The following ASTN2 variants were observed in gnomAD, a reference collection of about 807,000 sequenced individuals.
ASTN2 encodes astrotactin 2.
A neutral mutation model predicts 139.8 loss-of-function variants in ASTN2; 54 were observed. That is an observed-to-expected ratio of 0.39 (90% CI 0.31 to 0.48). The LOEUF is 0.48. ASTN2 is among the 20% of genes least tolerant of loss of function. The probability of loss-of-function intolerance (pLI) is 0.95; values close to 1 mark genes in which losing one functional copy is unlikely to be tolerated. For missense variants in ASTN2, 1,565 were observed against 1,725.1 expected (o/e 0.91, Z 1.64); for synonymous variants, 756 against 719.5 (o/e 1.05, Z -0.81).
At chr9:116,933,369 C>T (rs1053746473) in intron 10 of ASTN2, among the ~76,000 whole-genome samples, 7 of 151,984 alleles carry the variant, frequency 4.6e-5, no homozygotes, top group African/African-American at 1.7e-4. Flanking sequence ...TTCTTGTCTT[C>T]CCTCTAGTCT....
In ASTN2 at chr9:117,414,039, C is replaced by A. The variant is rs984189891; in HGVS notation, c.442+458G>T. 2.0e-5 allele frequency among the ~76,000 whole-genome samples: 3 copies of A among 152,150 alleles called. No individual in the cohort carries two copies. The highest frequency in any genetic ancestry group is 4.4e-5 in the Non-Finnish European group (3 of 68,026). On this transcript the variant is annotated intron_variant, in intron 1 of 22. Coordinates refer to ENST00000313400, the MANE Select transcript of ASTN2 (RefSeq NM_001365068.1). The surrounding 1 kb of genome is among the most constrained non-coding windows in gnomAD (Gnocchi z 4.2). Reference sequence around the variant, plus strand: ...CTCCATTCCTACTCTCATGAAAATCCATCTGGAAGGGCAGAACCCGCAACT... The same window carrying A: ...CTCCATTCCTACTCTCATGAAAATCAATCTGGAAGGGCAGAACCCGCAACT...
At chr9:117,210,981 C>CAA (rs57888812) in intron 3 of ASTN2, among the ~76,000 whole-genome samples, 2,366 of 136,866 alleles carry the variant, frequency 0.017, 38 homozygotes, top group Non-Finnish European at 0.02. Context: ...CATCTCAAAG[C>CAA]AAAAAAAAAA....
chr9:117,180,020 G>C (rs1455811110), intron 3 of ASTN2, among the ~76,000 whole-genome samples: 1 of 152,182 alleles, frequency 6.6e-6, no homozygotes, highest in African/African-American at 2.4e-5. Context: ...CTGCAGCAAA[G>C]CTTTGAATAA....
Position 117,365,299 on chromosome 9 carries a change from AAAAGAAAGAAAGAAAAAG to A in ASTN2, c.442+49180_442+49197del, listed in dbSNP as rs372839356. 1.5e-4 allele frequency among the ~76,000 whole-genome samples: 22 copies of A among 148,674 alleles called. 1 individual carries two copies. Among genetic ancestry groups the A allele is most frequent in the African/African-American group, 3.4e-4 (13 of 38,650 alleles). ...AGAAAGAAAGAAAGAAATAGAAAGA[AAAAGAAAGAAAGAAAAAG>A]AAAGAAAGAAAGAAAGAAAGAGAGA... On this transcript the variant is annotated intron_variant, in intron 1 of 22. Transcript: ENST00000313400.
chr9:117,171,181 A>C (rs529257757), intron 3 of ASTN2, among the ~76,000 whole-genome samples: 26 of 152,006 alleles, frequency 1.7e-4, no homozygotes, highest in Non-Finnish European at 3.2e-4. Flanking sequence ...AAAGAAAAGA[A>C]AAAATATTAC....
At chr9:116,839,775 A>G (rs1832137342) in intron 11 of ASTN2, among the ~76,000 whole-genome samples, 1 of 150,894 alleles carries the variant, frequency 6.6e-6, no homozygotes, top group Non-Finnish European at 1.5e-5. Context: ...GGATCAAGCA[A>G]TTCTCCTTCC....
intron 12 of ASTN2, among the ~76,000 whole-genome samples, chr9:116,819,393 T>C (rs911163278): frequency 6.6e-6 from 1 of 152,182 alleles, no homozygotes; most frequent in African/African-American, 2.4e-5. Flanking sequence ...TTCTTATTTA[T>C]TTTGCTGATA....
chr9:117,160,979 T>C (rs1262931291), intron 3 of ASTN2, among the ~76,000 whole-genome samples: 1 of 151,868 alleles, frequency 6.6e-6, no homozygotes, highest in Non-Finnish European at 1.5e-5. Flanking sequence ...ACACAAATGG[T>C]CCCTCAACTT....
chr9:116,815,587 C>T (rs1039126249), intron 12 of ASTN2, among the ~76,000 whole-genome samples: 3 of 151,830 alleles, frequency 2.0e-5, no homozygotes, highest in East Asian at 1.9e-4. Flanking sequence ...GGGTGGATCA[C>T]GAGGTCAGGA....
At chr9:116,861,902 C>T (rs1187933157) in intron 11 of ASTN2, among the ~76,000 whole-genome samples, 2 of 151,706 alleles carry the variant, frequency 1.3e-5, no homozygotes, top group African/African-American at 2.4e-5. Context: ...AGGGGGATTC[C>T]AATGACATTG....
At position 117,096,086 on chromosome 9, in the gene ASTN2, T is replaced by C. The variant is rs781472568; in HGVS notation, c.1234A>G (p.Thr412Ala). Residue 412 changes from threonine (T) to alanine (A), a missense_variant, in exon 5 of 23, where the codon ACA becomes GCA. Around this residue, in one of 4 missense-constraint regions of ASTN2, gnomAD observed 596 missense variants for 576.8 expected, o/e 1.03. Transcript: ENST00000313400. ...CTGCGGTACTGCTCCGTGTAGAATG[T>C]CAGCTGAGTTTCATCGTCTGCCTCT... ...GSEADDETQL[T>A]FYTEQYRSRR... The C allele has an allele frequency of 2.5e-6, 4 of 1,613,938 alleles. No homozygotes were observed. Among genetic ancestry groups the C allele is most frequent in the African/African-American group, 1.3e-5 (1 of 74,912 alleles).
At chr9:116,502,080 G>A (rs1451380336) in intron 19 of ASTN2, among the ~76,000 whole-genome samples, 2 of 152,112 alleles carry the variant, frequency 1.3e-5, no homozygotes, top group East Asian at 3.9e-4. Context: ...TAACCAGGCT[G>A]AGGTGAATCA....
chr9:116,554,605 C>T (rs898873135), intron 19 of ASTN2, among the ~76,000 whole-genome samples: 8 of 152,168 alleles, frequency 5.3e-5, no homozygotes, highest in Non-Finnish European at 8.8e-5. Context: ...TAACATTCGC[C>T]AGCCTCCCTT....
chr9:116,963,889 C>G (rs1042542534), intron 10 of ASTN2, among the ~76,000 whole-genome samples: 1 of 152,144 alleles, frequency 6.6e-6, no homozygotes, highest in Non-Finnish European at 1.5e-5. Flanking sequence ...GCAGAGTCAC[C>G]ATGAACTGTG....
chr9:117,208,766 G>C (rs1351392022), intron 3 of ASTN2, among the ~76,000 whole-genome samples: 1 of 152,080 alleles, frequency 6.6e-6, no homozygotes, highest in African/African-American at 2.4e-5. Context: ...ACATAAAAGG[G>C]AATTTTCATT....
chr9:117,106,238 T>A (rs553233553), intron 4 of ASTN2, among the ~76,000 whole-genome samples: 36 of 152,268 alleles, frequency 2.4e-4, no homozygotes, highest in African/African-American at 8.4e-4. Flanking sequence ...TCTTTTTTTT[T>A]TCTTTTGAGA....
chr9:117,327,902 A>G (rs140917324), intron 1 of ASTN2, among the ~76,000 whole-genome samples: 9 of 152,304 alleles, frequency 5.9e-5, no homozygotes, highest in Non-Finnish European at 1.0e-4. Flanking sequence ...GGCCTCAATC[A>G]TTTCAGAGCC....
At chr9:117,085,063 C>T (rs1392943663) in intron 5 of ASTN2, among the ~76,000 whole-genome samples, 2 of 152,102 alleles carry the variant, frequency 1.3e-5, no homozygotes, top group East Asian at 1.9e-4. Context: ...CTATGCAGGC[C>T]CTAAATATTC....
chr9:117,081,953 C>T (rs1828439836), intron 5 of ASTN2, among the ~76,000 whole-genome samples: 1 of 152,192 alleles, frequency 6.6e-6, no homozygotes, highest in Admixed American at 6.5e-5. Flanking sequence ...TTGACTTCAG[C>T]CTCTTACATG....
Sources: allele counts gnomAD v4.1 joint callset (sites outside exome capture counted in the v4.1 genomes callset), GRCh38; gene constraint gnomAD v4.1.1; regional missense constraint gnomAD v4.1.1; non-coding constraint Gnocchi (gnomAD v3.1); transcripts MANE v1.5; gene names NCBI Gene and HGNC (gene_info 2026-07-23, HGNC 2026-07-21).